The following PXDNL variants were observed in gnomAD, a reference collection of about 807,000 sequenced individuals.
The protein encoded by PXDNL is peroxidasin like.
PXDNL carries 145 observed loss-of-function variants against 150.8 expected under a neutral mutation model. That is an observed-to-expected ratio of 0.96 (90% CI 0.84 to 1.10). The LOEUF (loss-of-function observed/expected upper bound fraction) is 1.10. PXDNL is among the 50% of genes least tolerant of loss of function. The pLI is 0.00. For synonymous variants in PXDNL, 757 were observed against 725.7 expected, an observed-to-expected ratio of 1.04 and a Z score of -0.69; for missense variants, 2,087 against 1,873.9, an observed-to-expected ratio of 1.11 and a Z score of -2.10.
At chr8:51,433,209 AAAT>A (rs71237206) in intron 12 of PXDNL, among the ~76,000 whole-genome samples, 6,320 of 144,118 alleles carry the variant, frequency 0.044, 168 homozygotes, top group South Asian at 0.07. Flanking sequence ...ACTCTATCTC[AAAT>A]AATAATAATA....
intron 19 of PXDNL, among the ~76,000 whole-genome samples, chr8:51,366,210 A>G (rs1806914518): frequency 1.3e-5 from 2 of 152,186 alleles, no homozygotes; most frequent in African/African-American, 4.8e-5. Context: ...GACATAGTGA[A>G]CCTGACTTGA....
chr8:51,388,821 T>A (rs1412068363), intron 17 of PXDNL, among the ~76,000 whole-genome samples: 1 of 152,220 alleles, frequency 6.6e-6, no homozygotes, highest in Non-Finnish European at 1.5e-5. Flanking sequence ...ACTATTTTTT[T>A]AATTCAGCTA....
chr8:51,780,391 A>T (rs1351774349), intron 1 of PXDNL, among the ~76,000 whole-genome samples: 4 of 152,116 alleles, frequency 2.6e-5, no homozygotes, highest in Non-Finnish European at 5.9e-5. Context: ...ACACCCAAAA[A>T]TACATATGTA....
At chr8:51,346,041 G>A in intron 19 of PXDNL, 94 bp from the exon 20 acceptor site, 1 of 734,416 alleles carries the variant, frequency 1.4e-6, no homozygotes, top group Non-Finnish European at 2.3e-6. Context: ...GAGGGCAAGA[G>A]TACCAAGAAG....
intron 1 of PXDNL, among the ~76,000 whole-genome samples, chr8:51,662,386 C>A (rs1374061054): frequency 6.6e-6 from 1 of 152,100 alleles, no homozygotes; most frequent in African/African-American, 2.4e-5. Flanking sequence ...GGCATGGTGG[C>A]AGGCCCCTGT....
intron 1 of PXDNL, among the ~76,000 whole-genome samples, chr8:51,682,057 GA>G (rs1815761538): frequency 6.6e-6 from 1 of 152,080 alleles, no homozygotes; most frequent in Admixed American, 6.6e-5. Context: ...ACTGCAAGAG[GA>G]AAGTGATTTT....
intron 4 of PXDNL, among the ~76,000 whole-genome samples, chr8:51,517,794 T>C (rs1327730015): frequency 1.3e-5 from 2 of 152,272 alleles, no homozygotes; most frequent in African/African-American, 4.8e-5. Flanking sequence ...GCTTCCTGTT[T>C]GTGAAGATCA....
intron 1 of PXDNL, among the ~76,000 whole-genome samples, chr8:51,674,348 C>T (rs1229259233): frequency 2.6e-5 from 4 of 152,158 alleles, no homozygotes; most frequent in African/African-American, 4.8e-5. Context: ...CCTCAGCACT[C>T]GTTAACTGAA....
intron 12 of PXDNL, among the ~76,000 whole-genome samples, chr8:51,438,744 G>A (rs1809469234): frequency 6.6e-6 from 1 of 152,112 alleles, no homozygotes; most frequent in Non-Finnish European, 1.5e-5. Context: ...CAATGGAACA[G>A]AATAGAGAAC....
chr8:51,562,252 T>C (rs1341422255), intron 3 of PXDNL, among the ~76,000 whole-genome samples: 1 of 151,880 alleles, frequency 6.6e-6, no homozygotes. Context: ...TCTTTTTTTA[T>C]AAAAATGATA....
Position 51,449,064 on chromosome 8 carries a change from G to A in PXDNL, c.1304C>T (p.Ala435Val), listed in dbSNP as rs566034802. The change falls in exon 11 of 23, where the codon GCT becomes GTT. Residue 435 changes from alanine (A) to valine (V), a missense_variant. Transcript: ENST00000356297. Reference sequence around the variant, plus strand: ...GTCAGCTTCACAGAGCCACTCTACAGCATGTTCTTCCAGCACCACTTGATC... The same window carrying A: ...GTCAGCTTCACAGAGCCACTCTACAACATGTTCTTCCAGCACCACTTGATC... Reference protein sequence around the residue: ...PKDQVVLEEHAVEWLCEADGN... With the variant: ...PKDQVVLEEHVVEWLCEADGN... 8 of 1,553,312 alleles carry A rather than the reference G, an allele frequency of 5.2e-6. No individual in the cohort carries two copies. Among genetic ancestry groups the A allele is most frequent in the African/African-American group, 2.7e-5 (2 of 73,272 alleles).
At chr8:51,329,633 A>G (rs1029665049) in intron 21 of PXDNL, among the ~76,000 whole-genome samples, 4 of 152,242 alleles carry the variant, frequency 2.6e-5, no homozygotes, top group Admixed American at 6.5e-5. Flanking sequence ...TGACCCTAGT[A>G]GAAAAAGTAG....
chr8:51,339,824 ATCT>A (rs1203693899), intron 20 of PXDNL, 71 bp from the exon 21 acceptor site: 9 of 1,493,708 alleles, frequency 6.0e-6, no homozygotes, highest in African/African-American at 2.8e-5. Context: ...ATATCATCAA[ATCT>A]TCTTTGGTCA....
chr8:51,335,404 T>C (rs981793382), intron 21 of PXDNL, among the ~76,000 whole-genome samples: 1 of 152,058 alleles, frequency 6.6e-6, no homozygotes, highest in East Asian at 1.9e-4. Context: ...AGCAGATGCA[T>C]AAAGGAGGGC....
chr8:51,364,042 A>G (rs560430952), intron 19 of PXDNL, among the ~76,000 whole-genome samples: 12 of 152,344 alleles, frequency 7.9e-5, no homozygotes, highest in African/African-American at 2.6e-4. Flanking sequence ...TGTAAAACAT[A>G]AGTTGACACC....
At chr8:51,641,488 T>G (rs1447997404) in intron 2 of PXDNL, among the ~76,000 whole-genome samples, 2 of 151,894 alleles carry the variant, frequency 1.3e-5, no homozygotes, top group African/African-American at 4.8e-5. Context: ...GAATCTACAA[T>G]GAACTCAAAC....
intron 1 of PXDNL, among the ~76,000 whole-genome samples, chr8:51,656,919 C>T (rs1815161300): frequency 6.6e-6 from 1 of 152,182 alleles, no homozygotes; most frequent in Non-Finnish European, 1.5e-5. Flanking sequence ...CCTCTTCAGA[C>T]ATAACATTTC....
intron 21 of PXDNL, among the ~76,000 whole-genome samples, chr8:51,331,260 C>T (rs1395022713): frequency 1.3e-5 from 2 of 152,132 alleles, no homozygotes; most frequent in Non-Finnish European, 2.9e-5. Context: ...TTACCTGGAG[C>T]TGAGTTGAGT....
chr8:51,727,663 A>G (rs1427554271), intron 1 of PXDNL, among the ~76,000 whole-genome samples: 3 of 152,242 alleles, frequency 2.0e-5, no homozygotes, highest in Non-Finnish European at 2.9e-5. Context: ...AGGAAAAAAA[A>G]GGAAGAAACA....
Sources: allele counts gnomAD v4.1 joint callset (sites outside exome capture counted in the v4.1 genomes callset), GRCh38; gene constraint gnomAD v4.1.1; transcripts MANE v1.5; gene names NCBI Gene and HGNC (gene_info 2026-07-23, HGNC 2026-07-21).